The following RNF125 variants were observed in gnomAD, a reference collection of about 807,000 sequenced individuals.
RNF125 encodes the protein E3 ubiquitin-protein ligase RNF125.
RNF125 carries 21 observed loss-of-function variants against 26.0 expected under a neutral mutation model. The ratio of observed to expected loss-of-function variants is 0.81; its 90% confidence interval spans 0.57 to 1.16. RNF125 has a LOEUF of 1.16. RNF125 is among the 50% of genes most tolerant of loss of function. RNF125 has a pLI of 0.00. For missense variants in RNF125, 270 were observed against 299.4 expected (o/e 0.90, Z 0.72); for synonymous variants, 95 against 109.2 (o/e 0.87, Z 0.81).
At chr18:32,040,269 C>CTTTTT (rs1185186501) in intron 2 of RNF125, among the ~76,000 whole-genome samples, 430 of 104,390 alleles carry the variant, frequency 4.1e-3, no homozygotes, top group Non-Finnish European at 5.4e-3. Context: ...CAATTTCTTT[C>CTTTTT]TTTTTTTTTT....
the RNF125 span, among the ~76,000 whole-genome samples, chr18:32,085,716 AAAAAAAAAGAG>A: frequency 2.0e-5 from 3 of 150,200 alleles, no homozygotes; most frequent in Admixed American, 2.0e-4. Context: ...AAAAAAAAAA[AAAAAAAAAGAG>A]AGAGAGAAGT....
chr18:32,087,137 G>A, the RNF125 span, among the ~76,000 whole-genome samples: 8 of 152,050 alleles, frequency 5.3e-5, no homozygotes, highest in African/African-American at 1.4e-4. Flanking sequence ...TATGCGTCTC[G>A]TCATCTGTAT....
At chr18:32,053,353 AC>A (rs2039347041) in intron 4 of RNF125, among the ~76,000 whole-genome samples, 1 of 149,882 alleles carries the variant, frequency 6.7e-6, no homozygotes, top group Admixed American at 6.6e-5. Context: ...CAAGAGTGAA[AC>A]TCTGTCTCAA....
At chr18:32,036,021 G>A (rs1318084716) in intron 1 of RNF125, among the ~76,000 whole-genome samples, 1 of 152,058 alleles carries the variant, frequency 6.6e-6, no homozygotes, top group African/African-American at 2.4e-5. Flanking sequence ...AGGCGTGGTG[G>A]TGGGTGCCAG....
At chr18:32,019,077 T>C in intron 1 of RNF125, 50 bp downstream of exon 1, 1 of 1,590,832 alleles carries the variant, frequency 6.3e-7, no homozygotes, top group East Asian at 2.3e-5. Context: ...GAGGGCGATG[T>C]GGGGAAGCTG....
intron 2 of RNF125, among the ~76,000 whole-genome samples, chr18:32,041,620 C>CTTTTTTTT (rs60264747): frequency 1.1e-5 from 1 of 93,280 alleles, no homozygotes; most frequent in Admixed American, 1.3e-4. Flanking sequence ...AATGTAGATG[C>CTTTTTTTT]TTTTTTTTTT....
At chr18:32,032,650 C>T (rs1300003980) in intron 1 of RNF125, among the ~76,000 whole-genome samples, 1 of 152,020 alleles carries the variant, frequency 6.6e-6, no homozygotes, top group Non-Finnish European at 1.5e-5. Context: ...CAACAACTTT[C>T]AAACTCGCTT....
At chr18:32,040,269 CTT>C (rs1185186501) in intron 2 of RNF125, among the ~76,000 whole-genome samples, 2,267 of 104,370 alleles carry the variant, frequency 0.022, 37 homozygotes, top group African/African-American at 0.082. Context: ...CAATTTCTTT[CTT>C]TTTTTTTTTT....
chr18:32,055,272 C>T (rs1255201994), intron 4 of RNF125, among the ~76,000 whole-genome samples: 1 of 148,876 alleles, frequency 6.7e-6, no homozygotes, highest in Non-Finnish European at 1.5e-5. Flanking sequence ...GCACTCCAGC[C>T]TGGGCAACAA....
At chr18:32,079,259 T>C in the RNF125 span, among the ~76,000 whole-genome samples, 2 of 152,276 alleles carry the variant, frequency 1.3e-5, no homozygotes, top group African/African-American at 4.8e-5. Context: ...CTCTGGAGTC[T>C]CTTATAAGGG....
intron 5 of RNF125, among the ~76,000 whole-genome samples, chr18:32,068,030 T>G (rs1277209844): frequency 1.3e-5 from 2 of 152,180 alleles, no homozygotes; most frequent in Non-Finnish European, 2.9e-5. Flanking sequence ...ACTAAAAACT[T>G]CTCATTATAT....
intron 1 of RNF125, among the ~76,000 whole-genome samples, chr18:32,033,728 A>T (rs1279678928): frequency 6.6e-6 from 1 of 151,944 alleles, no homozygotes; most frequent in Admixed American, 6.6e-5. Flanking sequence ...CTGAAGCAGG[A>T]GAATCATTTG....
At chr18:32,085,435 C>T in the RNF125 span, among the ~76,000 whole-genome samples, 3 of 149,430 alleles carry the variant, frequency 2.0e-5, no homozygotes, top group Non-Finnish European at 4.4e-5. Context: ...TGAGGGGGCT[C>T]ACACCTGTAA....
chr18:32,037,916 G>A (rs970618602), intron 2 of RNF125, among the ~76,000 whole-genome samples: 15 of 152,110 alleles, frequency 9.9e-5, no homozygotes, highest in South Asian at 2.1e-4. Flanking sequence ...GGGACGATAA[G>A]GGAATAAAAG....
At chr18:32,082,879 A>G in the RNF125 span, among the ~76,000 whole-genome samples, 1 of 152,166 alleles carries the variant, frequency 6.6e-6, no homozygotes, top group African/African-American at 2.4e-5. Flanking sequence ...ACAAAAAGTG[A>G]ATTGTGAGAT....
At chr18:32,055,635 A>T (rs898026094) in intron 4 of RNF125, among the ~76,000 whole-genome samples, 5 of 152,128 alleles carry the variant, frequency 3.3e-5, no homozygotes, top group African/African-American at 1.2e-4. Context: ...CCATGATTCA[A>T]TTACCTACAC....
intron 1 of RNF125, among the ~76,000 whole-genome samples, chr18:32,020,381 C>T (rs1220119091): frequency 6.7e-6 from 1 of 148,586 alleles, no homozygotes; most frequent in Admixed American, 6.7e-5. Context: ...TTCGTGGATA[C>T]GTGTGTGTGT....
chr18:32,063,929 C>T (rs973902985), intron 4 of RNF125, among the ~76,000 whole-genome samples: 12 of 150,072 alleles, frequency 8.0e-5, no homozygotes, highest in African/African-American at 1.5e-4. Flanking sequence ...AGGATAGCAA[C>T]GCACTGACAT....
intron 2 of RNF125, among the ~76,000 whole-genome samples, chr18:32,038,905 A>G (rs967728068): frequency 6.6e-6 from 1 of 151,840 alleles, no homozygotes; most frequent in Non-Finnish European, 1.5e-5. Context: ...AGCTGGGATT[A>G]CAGGGGCCCA....
Sources: allele counts gnomAD v4.1 joint callset (sites outside exome capture counted in the v4.1 genomes callset), GRCh38; gene constraint gnomAD v4.1.1; transcripts MANE v1.5; gene names NCBI Gene and HGNC (gene_info 2026-07-23, HGNC 2026-07-21).